MICU3: variants seen among roughly 807,000 people sequenced by gnomAD.
MICU3 encodes calcium uptake protein 3, mitochondrial.
Under a neutral mutation model 66.5 loss-of-function variants are expected in MICU3, and 62 were observed. The observed-to-expected ratio is 0.93, with a 90% CI of 0.76 to 1.15. The LOEUF is 1.15. Among genes scored for constraint, MICU3 ranks in the 50% most tolerant of loss-of-function variants. The pLI, the probability that MICU3 is intolerant of heterozygous loss-of-function variation, is 0.00. For missense variants in MICU3, 779 were observed against 664.4 expected, an observed-to-expected ratio of 1.17 and a Z score of -1.90; for synonymous variants, 308 against 240.7, an observed-to-expected ratio of 1.28 and a Z score of -2.59.
At chr8:17,040,720 T>C (rs1350064587) in intron 1 of MICU3, among the ~76,000 whole-genome samples, 1 of 152,268 alleles carries the variant, frequency 6.6e-6, no homozygotes, top group African/African-American at 2.4e-5. Context: ...ATGTTTTTCT[T>C]ATTTTTATAT....
At chr8:17,128,777 G>A in the MICU3 span, among the ~76,000 whole-genome samples, 1 of 152,158 alleles carries the variant, frequency 6.6e-6, no homozygotes. Context: ...AGTTGCATGG[G>A]ATGGCAGAAA....
intron 1 of MICU3, among the ~76,000 whole-genome samples, chr8:17,034,518 T>C (rs1435972202): frequency 1.3e-5 from 2 of 152,228 alleles, no homozygotes; most frequent in Non-Finnish European, 2.9e-5. Flanking sequence ...AATTGAAAAC[T>C]TTCTGGAAAG....
At chr8:17,060,473 G>C (rs371329207) in intron 1 of MICU3, among the ~76,000 whole-genome samples, 1 of 151,730 alleles carries the variant, frequency 6.6e-6, no homozygotes, top group Non-Finnish European at 1.5e-5. Context: ...CACCACACCC[G>C]GCCAATTTTT....
chr8:17,107,009 A>G (rs1801800454), intron 11 of MICU3, among the ~76,000 whole-genome samples: 1 of 152,094 alleles, frequency 6.6e-6, no homozygotes, highest in African/African-American at 2.4e-5. Flanking sequence ...ATAGCCCTTT[A>G]CATTTCTAAA....
intron 1 of MICU3, among the ~76,000 whole-genome samples, chr8:17,059,000 A>G (rs1041652991): frequency 1.3e-5 from 2 of 152,228 alleles, no homozygotes; most frequent in African/African-American, 4.8e-5. Flanking sequence ...CCAATTGACT[A>G]ATTATTTTAT....
At chr8:17,134,650 T>C in the MICU3 span, among the ~76,000 whole-genome samples, 1 of 152,164 alleles carries the variant, frequency 6.6e-6, no homozygotes, top group East Asian at 1.9e-4. Context: ...TTCACCATGT[T>C]AGCCAGGATG....
intron 5 of MICU3, among the ~76,000 whole-genome samples, chr8:17,084,517 C>A: frequency 6.6e-6 from 1 of 152,110 alleles, no homozygotes; most frequent in Non-Finnish European, 1.5e-5. Flanking sequence ...AAGAAAAGAT[C>A]CAGTGTTTTG....
intron 3 of MICU3, among the ~76,000 whole-genome samples, chr8:17,074,351 A>G (rs1020968165): frequency 6.6e-6 from 1 of 152,196 alleles, no homozygotes; most frequent in Non-Finnish European, 1.5e-5. Context: ...TTTTGGGTCC[A>G]TAATATTTTT....
chr8:17,071,755 A>AAG (rs1482634129), intron 3 of MICU3, among the ~76,000 whole-genome samples: 3 of 152,222 alleles, frequency 2.0e-5, no homozygotes, highest in African/African-American at 7.2e-5. Flanking sequence ...AACCAAAGTT[A>AAG]AGAAGATGCT....
At chr8:17,129,064 A>G in the MICU3 span, among the ~76,000 whole-genome samples, 1 of 152,212 alleles carries the variant, frequency 6.6e-6, no homozygotes, top group Non-Finnish European at 1.5e-5. Flanking sequence ...TAAAGGTCAC[A>G]GGTTAGGGGT....
At chr8:17,091,850 C>G (rs1261574719) in intron 8 of MICU3, among the ~76,000 whole-genome samples, 2 of 151,870 alleles carry the variant, frequency 1.3e-5, no homozygotes, top group Admixed American at 6.6e-5. Flanking sequence ...ATGCCATATA[C>G]TACTTAGGAC....
downstream of MICU3, among the ~76,000 whole-genome samples, chr8:17,123,883 A>T (rs1803332583): frequency 6.6e-6 from 1 of 151,704 alleles, no homozygotes; most frequent in African/African-American, 2.4e-5. Context: ...TTGATTGCAT[A>T]GAACTATGTT....
intron 9 of MICU3, among the ~76,000 whole-genome samples, chr8:17,103,272 A>T (rs1801434785): frequency 6.6e-6 from 1 of 151,896 alleles, no homozygotes; most frequent in Admixed American, 6.6e-5. Flanking sequence ...GGCTATGAGG[A>T]ATTAAAGGAA....
intron 1 of MICU3, among the ~76,000 whole-genome samples, chr8:17,050,124 A>G (rs193079483): frequency 2.7e-4 from 41 of 152,302 alleles, no homozygotes; most frequent in African/African-American, 9.4e-4. Context: ...TCTTAAGTAC[A>G]TGCAAATATT....
intron 1 of MICU3, among the ~76,000 whole-genome samples, chr8:17,036,010 G>A (rs1812912814): frequency 6.6e-6 from 1 of 152,146 alleles, no homozygotes; most frequent in Non-Finnish European, 1.5e-5. Flanking sequence ...GGAATTGATG[G>A]GTTCTTGGTC....
intron 5 of MICU3, among the ~76,000 whole-genome samples, chr8:17,082,797 T>C (rs1482384358): frequency 6.6e-6 from 1 of 152,168 alleles, no homozygotes; most frequent in South Asian, 2.1e-4. Flanking sequence ...CACCACTGTG[T>C]TATTCTTAAC....
At chr8:17,099,533 C>T (rs1801075561) in intron 9 of MICU3, among the ~76,000 whole-genome samples, 1 of 151,612 alleles carries the variant, frequency 6.6e-6, no homozygotes, top group Admixed American at 6.6e-5. Flanking sequence ...TTTTAAAGTC[C>T]CAAAGCAATT....
At chr8:17,102,002 C>G (rs1184107920) in intron 9 of MICU3, among the ~76,000 whole-genome samples, 1 of 151,858 alleles carries the variant, frequency 6.6e-6, no homozygotes, top group Non-Finnish European at 1.5e-5. Flanking sequence ...ATTATTATTC[C>G]TTAAGATAGT....
In MICU3 at chr8:17,122,467, T is replaced by A. The variant is rs920925143; in HGVS notation, c.*2180T>A. ...GTTATACATAAAATTCATATTAAACTTTTTACAGAAAGCATACATGATAAA... is the reference window on the plus strand; with the variant it reads ...GTTATACATAAAATTCATATTAAACATTTTACAGAAAGCATACATGATAAA... On this transcript the variant is annotated 3_prime_UTR_variant, in exon 15 of 15. Coordinates refer to ENST00000318063, the MANE Select transcript of MICU3 (RefSeq NM_181723.3). The A allele has an allele frequency of 6.6e-6, 1 of 151,916 alleles. No individual in the cohort carries two copies. The highest frequency in any genetic ancestry group is 1.5e-5 in the Non-Finnish European group (1 of 67,790). 9.4% of individuals were successfully genotyped at this position (151,916 alleles called of 1,614,324 possible). A position where few individuals can be genotyped will look rare whatever the true frequency, so the allele number is the denominator to read the frequency against.
Sources: gnomAD v4.1 joint callset for allele counts (sites outside exome capture counted in the v4.1 genomes callset) on GRCh38, gnomAD v4.1.1 for gene constraint, MANE v1.5 for transcripts, NCBI Gene and HGNC (gene_info 2026-07-23, HGNC 2026-07-21) for gene names.